The following CA7 variants were observed in gnomAD, a reference collection of about 807,000 sequenced individuals.
CA7 encodes carbonate dehydratase VII.
CA7 carries 13 observed loss-of-function variants against 31.4 expected under a neutral mutation model. That is an observed-to-expected ratio of 0.41 (90% CI 0.27 to 0.66). The LOEUF (loss-of-function observed/expected upper bound fraction) is 0.66, where lower values mean the gene tolerates loss of function less well. CA7 is among the 30% of genes least tolerant of loss of function. The probability of loss-of-function intolerance (pLI) is 0.28; values close to 1 mark genes in which losing one functional copy is unlikely to be tolerated. For synonymous variants in CA7, 128 were observed against 133.2 expected, an observed-to-expected ratio of 0.96 and a Z score of 0.27; for missense variants, 215 against 351.0, an observed-to-expected ratio of 0.61 and a Z score of 3.10.
At chr16:66,847,287 G>C (rs1275483317) in intron 2 of CA7, 60 bp downstream of exon 2, 2 of 1,468,182 alleles carry the variant, frequency 1.4e-6, no homozygotes, top group African/African-American at 1.4e-5. Context: ...TCCTAACCTT[G>C]TGTTGGGCAG....
chr16:66,850,455 C>T, intron 2 of CA7, 86 bp from the exon 3 acceptor site: 1 of 797,704 alleles, frequency 1.3e-6, no homozygotes, highest in Non-Finnish European at 2.2e-6. Context: ...AAAAAAATGT[C>T]CCTTTCCTGG....
At chr16:66,844,591 C>A in intron 1 of CA7, 64 bp downstream of exon 1, 1 of 1,372,698 alleles carries the variant, frequency 7.3e-7, no homozygotes, top group Non-Finnish European at 1.0e-6. Flanking sequence ...CTCGCCCCAA[C>A]CCTCTTGCCC....
chr16:66,852,412 G>A (rs147714699), intron 5 of CA7, among the ~76,000 whole-genome samples: 4 of 151,046 alleles, frequency 2.6e-5, no homozygotes, highest in East Asian at 2.0e-4. Flanking sequence ...GCAGTGAGCC[G>A]AGATCGTGCC....
At chr16:66,850,398 A>C in intron 2 of CA7, 143 bp from the exon 3 acceptor site, 2 of 675,800 alleles carry the variant, frequency 3.0e-6, no homozygotes, top group South Asian at 3.3e-5. Flanking sequence ...CCATGTTTGC[A>C]CCATGGCACT....
At chr16:66,849,602 G>T (rs1960996733) in intron 2 of CA7, among the ~76,000 whole-genome samples, 1 of 152,216 alleles carries the variant, frequency 6.6e-6, no homozygotes, top group Non-Finnish European at 1.5e-5. Context: ...CCTAGCCCTG[G>T]ATCAGGGTTT....
At chr16:66,844,621 A>T in intron 1 of CA7, 94 bp downstream of exon 1, 1 of 1,133,172 alleles carries the variant, frequency 8.8e-7, no homozygotes, top group Non-Finnish European at 1.3e-6. Context: ...CCCAGACCGG[A>T]AAGCTCCCAC....
Position 66,853,509 on chromosome 16 carries a change from T to C in CA7, c.*11T>C. 5.0e-6 allele frequency: 8 copies of C among 1,613,582 alleles called. No homozygotes were observed. The highest frequency in any genetic ancestry group is 5.9e-6 in the Non-Finnish European group (7 of 1,179,938). On this transcript the variant is annotated 3_prime_UTR_variant, in exon 7 of 7. Transcript: ENST00000338437. This position sits in a 1 kb window ranked among gnomAD's most constrained non-coding sequence, Gnocchi z 4.5. ...TCCTTCCGGGCCTGAGCTGCCCATC[T>C]GCCTAGCCGGCCACTAGGGCACCAT...
At chr16:66,847,850 G>C (rs1960960814) in intron 2 of CA7, among the ~76,000 whole-genome samples, 1 of 152,166 alleles carries the variant, frequency 6.6e-6, no homozygotes, top group African/African-American at 2.4e-5. Flanking sequence ...ATTCGTGGCA[G>C]CTCCTTCCAA....
chr16:66,848,528 G>A (rs1404049557), intron 2 of CA7, among the ~76,000 whole-genome samples: 1 of 152,196 alleles, frequency 6.6e-6, no homozygotes, highest in African/African-American at 2.4e-5. Context: ...GTTGCCTTCA[G>A]GCCTGGCTGG....
chr16:66,851,952 T>A (rs548690328), intron 5 of CA7, among the ~76,000 whole-genome samples: 6 of 152,168 alleles, frequency 3.9e-5, no homozygotes, highest in South Asian at 2.1e-4. Context: ...AAGATGCTTG[T>A]CACATTAATG....
chr16:66,852,798 G>C lies in CA7; in HGVS notation c.603G>C (p.Thr201=). Residue 201 remains threonine, a synonymous_variant, in exon 6 of 7, where the codon ACG becomes ACC. Transcript: ENST00000338437. ...ACTGGACCTACCCGGGCTCTCTGAC[G>C]ACTCCCCCACTCAGTGAGAGTGTCA... ...RHYWTYPGSL[T]TPPLSESVTW... is the part of the protein sequence containing the mutation. The C allele has an allele frequency of 6.2e-7, 1 of 1,613,928 alleles. No individual in the cohort carries two copies. The highest frequency in any genetic ancestry group is 8.5e-7 in the Non-Finnish European group (1 of 1,179,976).
chr16:66,851,349 C>T, intron 3 of CA7, 114 bp from the exon 4 acceptor site: 2 of 900,618 alleles, frequency 2.2e-6, no homozygotes, highest in Non-Finnish European at 3.7e-6. Flanking sequence ...GGAGGCTTGA[C>T]AGCTTCCCCT....
At chr16:66,851,824 C>A (rs1045753088) in intron 5 of CA7, 98 bp downstream of exon 5, 6 of 1,102,028 alleles carry the variant, frequency 5.4e-6, no homozygotes, top group Non-Finnish European at 8.1e-6. Flanking sequence ...TGGGAGTAAA[C>A]CCTTGCTGAG....
intron 2 of CA7, among the ~76,000 whole-genome samples, chr16:66,848,972 A>G (rs1407199232): frequency 6.6e-6 from 1 of 152,174 alleles, no homozygotes; most frequent in Non-Finnish European, 1.5e-5. Flanking sequence ...CTCTTTGATA[A>G]GACCGGGCAA....
Position 66,844,539 on chromosome 16 carries a change from C to CCT in CA7, c.40+14_40+15dup. On this transcript the variant is annotated intron_variant, in intron 1 of 6. Transcript: ENST00000338437. ...CGGCCAGGACGACGGTAGGCACAGA[C>CCT]CTCCCCCACCGCCTCTGGCTCGGAC... 1 of 1,539,656 alleles carries CCT rather than the reference C, an allele frequency of 6.5e-7. No individual in the cohort carries two copies. The highest frequency in any genetic ancestry group is 1.2e-5 in the South Asian group (1 of 82,622).
intron 1 of CA7, among the ~76,000 whole-genome samples, chr16:66,846,449 G>A (rs1960931082): frequency 6.6e-6 from 1 of 152,208 alleles, no homozygotes. Context: ...GCTGGGGGCA[G>A]TGCATGCACA....
At chr16:66,852,494 AAGAG>A (rs959615385) in intron 5 of CA7, among the ~76,000 whole-genome samples, 2 of 149,778 alleles carry the variant, frequency 1.3e-5, no homozygotes, top group East Asian at 1.9e-4. Flanking sequence ...GAAAGAAAGA[AAGAG>A]AGAGAGAGGG....
Position 66,844,467 on chromosome 16 carries a change from G to C in CA7, c.-21G>C, listed in dbSNP as rs1167693616. ...GACCGAGCCGACCGGGCAGGTGCAC[G>C]GCTGCGGGGACGGCAGCGGCATGAC... On this transcript the variant is annotated 5_prime_UTR_variant, in exon 1 of 7. Coordinates refer to ENST00000338437, the MANE Select transcript of CA7 (RefSeq NM_005182.3). 2.6e-6 allele frequency: 4 copies of C among 1,538,890 alleles called. No homozygotes were observed. Among genetic ancestry groups the C allele is most frequent in the Non-Finnish European group, 3.5e-6 (4 of 1,142,176 alleles).
intron 2 of CA7, among the ~76,000 whole-genome samples, chr16:66,849,469 T>C (rs1960993720): frequency 6.6e-6 from 1 of 152,208 alleles, no homozygotes; most frequent in Non-Finnish European, 1.5e-5. Context: ...TGCCTTGCTG[T>C]GTGACCTTGA....
Sources: allele counts gnomAD v4.1 joint callset (sites outside exome capture counted in the v4.1 genomes callset), GRCh38; gene constraint gnomAD v4.1.1; non-coding constraint Gnocchi (gnomAD v3.1); transcripts MANE v1.5; gene names NCBI Gene and HGNC (gene_info 2026-07-23, HGNC 2026-07-21).